NME8: variants seen among roughly 807,000 people sequenced by gnomAD.
NME8 encodes protein NME8.
NME8 carries 72 observed loss-of-function variants against 82.3 expected under a neutral mutation model. That is an observed-to-expected ratio of 0.87 (90% CI 0.72 to 1.06). NME8 has a LOEUF of 1.06. Ranked by LOEUF, NME8 falls within the 50% of genes least tolerant of loss-of-function variation. The pLI, the probability that NME8 is intolerant of heterozygous loss-of-function variation, is 0.00. For synonymous variants in NME8, 267 were observed against 228.5 expected (o/e 1.17, Z -1.52); for missense variants, 712 against 685.4 (o/e 1.04, Z -0.43).
intron 7 of NME8, among the ~76,000 whole-genome samples, chr7:37,863,027 G>A (rs1384179856): frequency 1.3e-5 from 2 of 152,038 alleles, no homozygotes; most frequent in Non-Finnish European, 2.9e-5. Context: ...GACTGAGGCA[G>A]GAGAATCGCT....
At chr7:37,870,386 C>T (rs139644600) in intron 11 of NME8, among the ~76,000 whole-genome samples, 7 of 151,912 alleles carry the variant, frequency 4.6e-5, no homozygotes, top group South Asian at 2.1e-4. Flanking sequence ...GTCAGGAGAT[C>T]GAGACCAGCC....
intron 5 of NME8, among the ~76,000 whole-genome samples, chr7:37,855,503 A>G (rs1055749052): frequency 2.0e-5 from 2 of 99,736 alleles, no homozygotes; most frequent in African/African-American, 7.9e-5. Context: ...ACTTTGCGGC[A>G]TTCCCCTCCC....
intron 11 of NME8, among the ~76,000 whole-genome samples, chr7:37,868,429 C>CT (rs34146075): frequency 6.6e-6 from 1 of 151,738 alleles, no homozygotes; most frequent in Non-Finnish European, 1.5e-5. Context: ...TTACTTATAA[C>CT]TTTTTTTTTA....
intron 12 of NME8, among the ~76,000 whole-genome samples, chr7:37,882,597 A>AGAGAGAG (rs1784971502): frequency 2.4e-5 from 2 of 82,994 alleles, no homozygotes; most frequent in Non-Finnish European, 5.2e-5. Context: ...GAAAGAAAGA[A>AGAGAGAG]AGAGAGAGAG....
chr7:37,877,047 G>A, intron 12 of NME8, 40 bp downstream of exon 12: 1 of 1,519,376 alleles, frequency 6.6e-7, no homozygotes, highest in Non-Finnish European at 9.1e-7. Flanking sequence ...ATTTTATATA[G>A]ATGAGATTTG....
At chr7:37,868,437 T>G (rs1784723404) in intron 11 of NME8, among the ~76,000 whole-genome samples, 1 of 152,168 alleles carries the variant, frequency 6.6e-6, no homozygotes, top group African/African-American at 2.4e-5. Flanking sequence ...AACTTTTTTT[T>G]TAAGCCTGGT....
intron 10 of NME8, 124 bp downstream of exon 10, chr7:37,865,741 C>T: frequency 1.4e-6 from 1 of 694,092 alleles, no homozygotes. Context: ...CTCCTGGTGT[C>T]CCTGTTGGTG....
intron 17 of NME8, among the ~76,000 whole-genome samples, chr7:37,898,470 CAA>C (rs1785264097): frequency 6.6e-6 from 1 of 151,980 alleles, no homozygotes; most frequent in South Asian, 2.1e-4. Context: ...AGAAACTACC[CAA>C]GTGTCCATTA....
intron 8 of NME8, 98 bp from the exon 9 acceptor site, chr7:37,864,250 G>T: frequency 7.1e-7 from 1 of 1,408,636 alleles, no homozygotes; most frequent in South Asian, 1.2e-5. Flanking sequence ...ACAATTAACT[G>T]ATCATTAGAA....
intron 12 of NME8, among the ~76,000 whole-genome samples, chr7:37,879,741 TA>T (rs1247330577): frequency 1.3e-5 from 2 of 152,234 alleles, no homozygotes; most frequent in African/African-American, 2.4e-5. Context: ...GATCATGCTG[TA>T]AAAGTATGTA....
intron 5 of NME8, among the ~76,000 whole-genome samples, chr7:37,856,477 C>G (rs1784513012): frequency 6.6e-6 from 1 of 152,082 alleles, no homozygotes; most frequent in African/African-American, 2.4e-5. Flanking sequence ...GTTCAGCCAC[C>G]CAGTCAATAG....
chr7:37,889,102 C>T lies in NME8; in HGVS notation c.1399+674C>T, dbSNP rs192376196. ...TGTGGGATAATTATTTGATTGCTTT[C>T]TCTGTTTCTTTTATGGAAATTGCTC... On this transcript the variant is annotated intron_variant, in intron 15 of 17. Transcript: ENST00000199447. 5.0e-3 allele frequency among the ~76,000 whole-genome samples: 754 copies of T among 151,868 alleles called. 11 individuals are homozygous for T. The highest frequency in any genetic ancestry group is 0.017 in the African/African-American group (725 of 41,488).
chr7:37,852,178 C>G (rs1490283281), intron 5 of NME8, among the ~76,000 whole-genome samples: 1 of 151,266 alleles, frequency 6.6e-6, no homozygotes, highest in Non-Finnish European at 1.5e-5. Context: ...TAAAAAATGT[C>G]TTTATATAGA....
rs138286104 is a variant in NME8, at chr7:37,885,534, C to T, written c.1247+282C>T. 5.3e-3 allele frequency among the ~76,000 whole-genome samples: 807 copies of T among 152,298 alleles called. 6 individuals are homozygous for T. Among genetic ancestry groups the T allele is most frequent in the Non-Finnish European group, 8.5e-3 (575 of 68,028 alleles). Reference sequence around the variant, plus strand: ...CAGGTCATCTCTTGGGAGAAATATCCACCCTACCCGCTATTTAGGAGAAAT... The same window carrying T: ...CAGGTCATCTCTTGGGAGAAATATCTACCCTACCCGCTATTTAGGAGAAAT... On this transcript the variant is annotated intron_variant, in intron 14 of 17. Transcript: ENST00000199447.
chr7:37,888,235 G>C lies in NME8; in HGVS notation c.1248-42G>C, dbSNP rs779450722. On this transcript the variant is annotated intron_variant, in intron 14 of 17. Coordinates refer to ENST00000199447, the MANE Select transcript of NME8 (RefSeq NM_016616.5). Reference sequence around the variant, plus strand: ...TATAGAAATTGTGTTATATTATTCTGTTCTGTTCTAATAGCTTTTAAACCT... The same window carrying C: ...TATAGAAATTGTGTTATATTATTCTCTTCTGTTCTAATAGCTTTTAAACCT... 2.6e-5 allele frequency: 42 copies of C among 1,591,150 alleles called. No individual in the cohort carries two copies. The South Asian group carries it at 4.6e-4, about 18-fold the overall frequency.
chr7:37,865,519 T>C lies in NME8; in HGVS notation c.529-6T>C, dbSNP rs752704567. 2 of 1,601,866 alleles carry C rather than the reference T, an allele frequency of 1.2e-6. No homozygotes were observed. Among genetic ancestry groups the C allele is most frequent in the Non-Finnish European group, 8.6e-7 (1 of 1,169,188 alleles). On this transcript the variant is annotated splice_region_variant and splice_polypyrimidine_tract_variant and intron_variant, in intron 9 of 17. Transcript: ENST00000199447. ...ACCTGGATTTGACCTTACTCTCTAA[T>C]TGAAGATTACCAAAGCTGGATTTAT...
intron 5 of NME8, 92 bp from the exon 6 acceptor site, chr7:37,857,182 T>A (rs377333583): frequency 2.0e-6 from 2 of 1,011,600 alleles, no homozygotes; most frequent in African/African-American, 3.2e-5. Flanking sequence ...AACCTAAAAA[T>A]TATATATATC....
intron 11 of NME8, among the ~76,000 whole-genome samples, chr7:37,876,157 A>C (rs1033972555): frequency 2.0e-5 from 3 of 151,830 alleles, no homozygotes; most frequent in Non-Finnish European, 4.4e-5. Flanking sequence ...GCAGTGAGCC[A>C]AGATTGCACC....
At chr7:37,895,001 C>T (rs1660027825) in intron 16 of NME8, among the ~76,000 whole-genome samples, 1 of 152,194 alleles carries the variant, frequency 6.6e-6, no homozygotes, top group East Asian at 1.9e-4. Context: ...TTAATTGTTG[C>T]CTGAGTTTCC....
Sources: gnomAD v4.1 joint callset for allele counts (sites outside exome capture counted in the v4.1 genomes callset) on GRCh38, gnomAD v4.1.1 for gene constraint, MANE v1.5 for transcripts, NCBI Gene and HGNC (gene_info 2026-07-23, HGNC 2026-07-21) for gene names.